Variants in SLAIN1 observed in about 807,000 individuals in gnomAD.
The protein encoded by SLAIN1 is SLAIN family member 1.
In SLAIN1, 17 loss-of-function variants were observed where a neutral mutation model predicts 55.4. That is an observed-to-expected ratio of 0.31 (90% CI 0.21 to 0.46). The LOEUF is 0.46. Ranked by LOEUF, SLAIN1 falls within the 20% of genes least tolerant of loss-of-function variation. The pLI, the probability that SLAIN1 is intolerant of heterozygous loss-of-function variation, is 1.00. For missense variants in SLAIN1, 682 were observed against 785.1 expected, an observed-to-expected ratio of 0.87 and a Z score of 1.57; for synonymous variants, 348 against 337.4, an observed-to-expected ratio of 1.03 and a Z score of -0.35.
At chr13:77,723,847 G>A (rs1208360807) in intron 2 of SLAIN1, among the ~76,000 whole-genome samples, 4 of 151,428 alleles carry the variant, frequency 2.6e-5, no homozygotes, top group Non-Finnish European at 4.4e-5. Flanking sequence ...GGTCAGAATC[G>A]CCTAGATTGA....
At chr13:77,762,873 T>C (rs1875149219) in intron 6 of SLAIN1, among the ~76,000 whole-genome samples, 1 of 152,230 alleles carries the variant, frequency 6.6e-6, no homozygotes, top group Non-Finnish European at 1.5e-5. Context: ...AAAATATGTT[T>C]TATACATTAA....
chr13:77,725,750 C>T (rs991580660), intron 2 of SLAIN1, among the ~76,000 whole-genome samples: 3 of 152,110 alleles, frequency 2.0e-5, no homozygotes, highest in Admixed American at 6.6e-5. Flanking sequence ...TACCCTAGGC[C>T]GTTAGCCCAG....
At chr13:77,738,531 T>G (rs1873251524) in intron 2 of SLAIN1, among the ~76,000 whole-genome samples, 1 of 152,100 alleles carries the variant, frequency 6.6e-6, no homozygotes, top group Admixed American at 6.6e-5. Context: ...AAGCCCAGCA[T>G]GCATTAAGTA....
At chr13:77,715,992 C>T (rs957116180) in intron 1 of SLAIN1, among the ~76,000 whole-genome samples, 2 of 152,082 alleles carry the variant, frequency 1.3e-5, no homozygotes, top group African/African-American at 4.8e-5. Flanking sequence ...GAAGCATTTG[C>T]CAACTCAAGG....
rs1873582985 is a variant in SLAIN1 at position 77,743,330 on chromosome 13, C to G, written c.767-953C>G. On this transcript the variant is annotated intron_variant, in intron 2 of 6. Transcript: ENST00000418532. The stretch of plus-strand genomic sequence containing the variant: ...AAAAGGCCTAGCACTAATTTGTACT[C>G]TAACACCATTGATCTACTGCTCTCA... 1.1e-5 allele frequency: 4 copies of G among 370,686 alleles called. No individual in the cohort carries two copies. The Admixed American group carries it at 1.4e-4, about 13-fold the overall frequency. 23.0% of individuals were successfully genotyped at this position (370,686 alleles called of 1,614,324 possible). A position where few individuals can be genotyped will look rare whatever the true frequency, so the allele number is the denominator to read the frequency against.
At chr13:77,731,322 ATTGTC>A (rs1202323836) in intron 2 of SLAIN1, among the ~76,000 whole-genome samples, 13 of 152,306 alleles carry the variant, frequency 8.5e-5, no homozygotes, top group African/African-American at 2.9e-4. Flanking sequence ...AAAAATTAAT[ATTGTC>A]TTTAAAGTTT....
chr13:77,755,608 CCA>C (rs1359869388), intron 5 of SLAIN1, among the ~76,000 whole-genome samples: 9 of 152,032 alleles, frequency 5.9e-5, no homozygotes, highest in Non-Finnish European at 1.0e-4. Context: ...GCAGTTTGAG[CCA>C]CAGAGTAAAT....
rs761123387 is a variant in SLAIN1, at chr13:77,746,557, A to G, written c.960A>G (p.Arg320=). The G allele has an allele frequency of 4.3e-6, 7 of 1,612,826 alleles. No homozygotes were observed. The African/African-American group carries it at 9.4e-5, about 22-fold the overall frequency. Residue 320 remains arginine (R), a synonymous_variant, in exon 4 of 7, where the codon AGA becomes AGG. Transcript: ENST00000418532. ...CTTCTACTTCAGCATCTGTATCAAG[A>G]CATAGTTCCAGTGTGTCATTGAGTT... is the stretch of plus-strand genomic sequence containing the variant. ...DYASTSASVS[R]HSSSVSLSSG...
At chr13:77,738,918 G>T (rs927617643) in intron 2 of SLAIN1, among the ~76,000 whole-genome samples, 3 of 152,014 alleles carry the variant, frequency 2.0e-5, no homozygotes, top group African/African-American at 7.2e-5. Context: ...TCCAGAATTC[G>T]GTGGCAGCTT....
chr13:77,718,408 G>C (rs1198127531), intron 1 of SLAIN1, among the ~76,000 whole-genome samples: 1 of 152,124 alleles, frequency 6.6e-6, no homozygotes, highest in Non-Finnish European at 1.5e-5. Flanking sequence ...TTGTGACAGA[G>C]ATCATGTGGC....
intron 1 of SLAIN1, among the ~76,000 whole-genome samples, chr13:77,719,108 A>T (rs1254904659): frequency 2.0e-5 from 3 of 152,176 alleles, no homozygotes; most frequent in East Asian, 3.9e-4. Context: ...TACACATAAG[A>T]TTTGCCTTGT....
At chr13:77,702,866 AAT>A (rs1355579470) in intron 1 of SLAIN1, among the ~76,000 whole-genome samples, 1 of 152,196 alleles carries the variant, frequency 6.6e-6, no homozygotes, top group East Asian at 1.9e-4. Context: ...GCTTTGATTA[AAT>A]ATGTTTTAGT....
At chr13:77,699,361 G>C (rs1267198345) in intron 1 of SLAIN1, 2 of 194,532 alleles carry the variant, frequency 1.0e-5, no homozygotes, top group Non-Finnish European at 2.1e-5. Flanking sequence ...AAACTTTTTA[G>C]CTTGGTTATC....
intron 6 of SLAIN1, among the ~76,000 whole-genome samples, chr13:77,762,569 G>GAA (rs201987929): frequency 6.7e-6 from 1 of 150,302 alleles, no homozygotes; most frequent in South Asian, 2.1e-4. Context: ...CAGATAATTT[G>GAA]AAAAAAAAAT....
chr13:77,719,458 A>G, intron 1 of SLAIN1, 74 bp from the exon 2 acceptor site: 1 of 1,043,358 alleles, frequency 9.6e-7, no homozygotes, highest in African/African-American at 1.6e-5. Context: ...TGTTAAATAC[A>G]TGTTGCTTTC....
At chr13:77,738,205 C>CATAT (rs1873229594) in intron 2 of SLAIN1, among the ~76,000 whole-genome samples, 1 of 135,210 alleles carries the variant, frequency 7.4e-6, no homozygotes, top group African/African-American at 2.8e-5. Flanking sequence ...CCCACACACA[C>CATAT]ACACACATAT....
At chr13:77,707,152 A>G (rs2091098317) in intron 1 of SLAIN1, among the ~76,000 whole-genome samples, 1 of 151,334 alleles carries the variant, frequency 6.6e-6, no homozygotes, top group Non-Finnish European at 1.5e-5. Context: ...CTTGTAACAG[A>G]CAGATGTAGG....
chr13:77,763,501 G>A lies in SLAIN1; in HGVS notation c.*281G>A. On this transcript the variant is annotated 3_prime_UTR_variant, in exon 7 of 7. Transcript: ENST00000418532. ...CTCTGTACCTGAATACTTTTTGAGA[G>A]AATTAAGATGTATCAATAATGCTTT... is the stretch of plus-strand genomic sequence containing the variant. The A allele has an allele frequency of 2.8e-6, 1 of 360,278 alleles. No individual in the cohort carries two copies. The highest frequency in any genetic ancestry group is 5.0e-6 in the Non-Finnish European group (1 of 198,206). 22.3% of individuals were successfully genotyped at this position (360,278 alleles called of 1,614,324 possible).
chr13:77,724,640 A>C (rs935977868), intron 2 of SLAIN1, among the ~76,000 whole-genome samples: 1 of 152,214 alleles, frequency 6.6e-6, no homozygotes, highest in African/African-American at 2.4e-5. Context: ...GATATCAAAA[A>C]TTATGGTTTT....
Sources: gnomAD v4.1 joint callset for allele counts (sites outside exome capture counted in the v4.1 genomes callset) on GRCh38, gnomAD v4.1.1 for gene constraint, MANE v1.5 for transcripts, NCBI Gene and HGNC (gene_info 2026-07-23, HGNC 2026-07-21) for gene names.